SGSM3: variants seen among roughly 807,000 people sequenced by gnomAD.
SGSM3 encodes small G protein signaling modulator 3.
Under a neutral mutation model 100.5 loss-of-function variants are expected in SGSM3, and 96 were observed. That is an observed-to-expected ratio of 0.96 (90% confidence interval 0.81 to 1.13). The LOEUF is 1.13. SGSM3 is among the 50% of genes most tolerant of loss of function. SGSM3 has a pLI of 0.00. For missense variants in SGSM3, 1,001 were observed against 1,015.8 expected, an observed-to-expected ratio of 0.99 and a Z score of 0.20; for synonymous variants, 483 against 422.8, an observed-to-expected ratio of 1.14 and a Z score of -1.75.
chr22:40,405,632 C>A lies in SGSM3; in HGVS notation c.619-17C>A. The A allele has an allele frequency of 6.2e-7, 1 of 1,607,736 alleles. No individual in the cohort carries two copies. The highest frequency in any genetic ancestry group is 8.5e-7 in the Non-Finnish European group (1 of 1,176,518). On this transcript the variant is annotated splice_polypyrimidine_tract_variant and intron_variant, in intron 7 of 21. Transcript: ENST00000248929. ...AAAGACCTGGGTAGAAGGCCCTTGT[C>A]CCTGTGCCCTGGCCAGGTGGCCGCC...
In SGSM3 at chr22:40,399,543, G is replaced by C. The variant is rs148033550; in HGVS notation, c.-111-1153G>C. 4.7e-3 allele frequency among the ~76,000 whole-genome samples: 718 copies of C among 152,276 alleles called. 5 individuals carry two copies. The highest frequency in any genetic ancestry group is 7.1e-3 in the Non-Finnish European group (485 of 68,032). Reference sequence around the variant, plus strand: ...ATTTGGAAACTATCAGTCTCTCCTAGGCTTATTTTCTGTTGTGTAAGGAAT... The same window carrying C: ...ATTTGGAAACTATCAGTCTCTCCTACGCTTATTTTCTGTTGTGTAAGGAAT... On this transcript the variant is annotated intron_variant, in intron 1 of 21. Coordinates refer to ENST00000248929, the MANE Select transcript of SGSM3 (RefSeq NM_015705.6).
At chr22:40,389,613 A>G (rs2049056595) in intron 1 of SGSM3, among the ~76,000 whole-genome samples, 1 of 124,442 alleles carries the variant, frequency 8.0e-6, no homozygotes, top group Non-Finnish European at 1.7e-5. Flanking sequence ...AAAAAAAAAA[A>G]AAAAAAAAAA....
chr22:40,389,136 C>T (rs777707520), intron 1 of SGSM3, among the ~76,000 whole-genome samples: 15 of 152,088 alleles, frequency 9.9e-5, no homozygotes, highest in Admixed American at 2.6e-4. Context: ...ATTAAGGCAT[C>T]TGAAGAACAG....
At chr22:40,375,839 A>G (rs1467179736) in intron 1 of SGSM3, among the ~76,000 whole-genome samples, 7 of 152,156 alleles carry the variant, frequency 4.6e-5, no homozygotes. Context: ...GGAGGTCAAG[A>G]CCAGCCTGGG....
At chr22:40,401,780 G>A (rs2050791285) in intron 3 of SGSM3, 105 bp downstream of exon 3, 3 of 888,764 alleles carry the variant, frequency 3.4e-6, no homozygotes, top group Middle Eastern at 3.2e-4. Context: ...CTCACACAGG[G>A]TTATGAGTTC....
At chr22:40,404,721 G>C in intron 6 of SGSM3, 57 bp downstream of exon 6, 1 of 1,249,960 alleles carries the variant, frequency 8.0e-7, no homozygotes, top group Non-Finnish European at 1.2e-6. Context: ...TCGCAGGAGA[G>C]AGGGAGCCTG....
At chr22:40,404,200 C>G (rs528934163) in intron 4 of SGSM3, 47 bp from the exon 5 acceptor site, 20 of 1,458,806 alleles carry the variant, frequency 1.4e-5, no homozygotes, top group Non-Finnish European at 1.7e-5. Flanking sequence ...TTGGAGAACA[C>G]GTAGTAGAGA....
At chr22:40,401,306 C>T (rs2146955975) in intron 2 of SGSM3, among the ~76,000 whole-genome samples, 1 of 152,060 alleles carries the variant, frequency 6.6e-6, no homozygotes, top group South Asian at 2.1e-4. Flanking sequence ...CAGGCTGGAG[C>T]GCAATGGCAC....
intron 1 of SGSM3, among the ~76,000 whole-genome samples, chr22:40,400,118 A>G (rs768595189): frequency 5.3e-5 from 8 of 152,212 alleles, no homozygotes; most frequent in Non-Finnish European, 1.0e-4. Flanking sequence ...TCCATGGCAG[A>G]TAGCATGGAG....
intron 1 of SGSM3, among the ~76,000 whole-genome samples, chr22:40,382,207 G>C (rs1031216809): frequency 2.0e-5 from 3 of 152,098 alleles, no homozygotes; most frequent in Non-Finnish European, 4.4e-5. Context: ...ATTTAAAATG[G>C]CATTATGTTA....
chr22:40,371,659 C>A (rs2045508876), intron 1 of SGSM3, among the ~76,000 whole-genome samples: 1 of 152,038 alleles, frequency 6.6e-6, no homozygotes, highest in South Asian at 2.1e-4. Context: ...TACACTATTT[C>A]TGTTCTTGGT....
chr22:40,400,278 C>T (rs1322929052), intron 1 of SGSM3, among the ~76,000 whole-genome samples: 2 of 152,168 alleles, frequency 1.3e-5, no homozygotes, highest in African/African-American at 2.4e-5. Context: ...ATCTTTCAAC[C>T]ACATCTCCTC....
At chr22:40,409,420 T>C (rs1332873578) in intron 20 of SGSM3, 45 bp from the exon 21 acceptor site, 3 of 1,568,200 alleles carry the variant, frequency 1.9e-6, no homozygotes, top group East Asian at 4.5e-5. Context: ...TGGGAAGGGC[T>C]AGCTGGGGGT....
At chr22:40,388,420 A>G (rs2048811806) in intron 1 of SGSM3, 1 of 152,360 alleles carries the variant, frequency 6.6e-6, no homozygotes, top group East Asian at 1.9e-4. Flanking sequence ...GTGGGTTCCA[A>G]GATAACGTTG....
Position 40,409,341 on chromosome 22 carries a change from C to G in SGSM3, c.2080C>G (p.Pro694Ala). The G allele has an allele frequency of 6.2e-7, 1 of 1,611,860 alleles. No individual in the cohort carries two copies. Among genetic ancestry groups the G allele is most frequent in the Non-Finnish European group, 8.5e-7 (1 of 1,178,934 alleles). ...CCAGCCCTGGTCCTTCCTGCGCAGC[C>G]CGGGCTGGGTCCAGATCAAGTGTGA... ...WYQPWSFLRS[P>A]GWVQIKCELR... The change falls in exon 20 of 22, where the codon CCG becomes GCG. Residue 694 changes from proline to alanine, a missense_variant. By Grantham distance (27) the Pro-to-Ala change is conservative. Transcript: ENST00000248929.
Position 40,406,100 on chromosome 22 carries a change from C to T in SGSM3, c.837C>T (p.His279=). The part of the protein sequence containing the change: ...HDIELSLITL[H]WFLTAFASVV... ...CAGAGCTGTCCCTGATCACACTGCACTGGTTCCTCACGGCCTTCGCCAGCG... is the reference window on the plus strand; with the variant it reads ...CAGAGCTGTCCCTGATCACACTGCATTGGTTCCTCACGGCCTTCGCCAGCG... The change falls in exon 9 of 22, where the codon CAC becomes CAT. Residue 279 remains histidine (H), a synonymous_variant. Transcript: ENST00000248929. 6.2e-7 allele frequency: 1 copy of T among 1,614,074 alleles called. No individual in the cohort carries two copies. Among genetic ancestry groups the T allele is most frequent in the Non-Finnish European group, 8.5e-7 (1 of 1,180,018 alleles).
In SGSM3 at chr22:40,409,743, G is replaced by T; in HGVS notation, c.2234G>T (p.Trp745Leu). ...DMLVKHHLFS[W>L]DVDG ...CTGGTGAAGCACCACCTCTTCAGCT[G>T]GGATGTGGACGGGTGACCCCCTCCT... Residue 745 changes from tryptophan to leucine, a missense_variant, in exon 22 of 22, where the codon TGG (tryptophan) becomes TTG (leucine). Trp to Leu is a moderately conservative substitution (Grantham distance 61). Transcript: ENST00000248929. 6.2e-7 allele frequency: 1 copy of T among 1,609,976 alleles called. No individual in the cohort carries two copies.
At chr22:40,400,462 G>C (rs2050602402) in intron 1 of SGSM3, among the ~76,000 whole-genome samples, 1 of 151,994 alleles carries the variant, frequency 6.6e-6, no homozygotes, top group Admixed American at 6.6e-5. Context: ...GGCCAATATG[G>C]TGAAACCCCG....
chr22:40,371,371 C>G (rs2045435105), intron 1 of SGSM3, among the ~76,000 whole-genome samples: 1 of 152,222 alleles, frequency 6.6e-6, no homozygotes, highest in Non-Finnish European at 1.5e-5. Flanking sequence ...CTTCCAGTCT[C>G]ACGCTGCACG....
Sources: allele counts gnomAD v4.1 joint callset (sites outside exome capture counted in the v4.1 genomes callset), GRCh38; gene constraint gnomAD v4.1.1; transcripts MANE v1.5; gene names NCBI Gene and HGNC (gene_info 2026-07-23, HGNC 2026-07-21).